ZNF385D: variants seen among roughly 807,000 people sequenced by gnomAD.
ZNF385D encodes the protein zinc finger protein 659.
Under a neutral mutation model 35.8 loss-of-function variants are expected in ZNF385D, and 15 were observed. The ratio of observed to expected loss-of-function variants is 0.42; its 90% CI spans 0.28 to 0.64. ZNF385D has a LOEUF of 0.64. ZNF385D is among the 30% of genes least tolerant of loss of function. ZNF385D has a pLI of 0.23. For missense variants in ZNF385D, 474 were observed against 494.6 expected (o/e 0.96, Z 0.39); for synonymous variants, 212 against 186.8 (o/e 1.13, Z -1.10).
intron 2 of ZNF385D, among the ~76,000 whole-genome samples, chr3:22,289,061 A>G (rs1702164545): frequency 6.6e-6 from 1 of 152,136 alleles, no homozygotes; most frequent in Non-Finnish European, 1.5e-5. Flanking sequence ...TGTTTGTTCT[A>G]GTTTCTTCTA....
At chr3:22,133,149 C>T (rs893865354) in intron 3 of ZNF385D, among the ~76,000 whole-genome samples, 1 of 152,190 alleles carries the variant, frequency 6.6e-6, no homozygotes, top group East Asian at 1.9e-4. Flanking sequence ...TTAAAAAATA[C>T]CCTCAAATAC....
intron 3 of ZNF385D, among the ~76,000 whole-genome samples, chr3:22,033,999 T>C (rs924434481): frequency 7.2e-5 from 11 of 152,138 alleles, no homozygotes; most frequent in Non-Finnish European, 1.5e-4. Context: ...AGTCCCTTTT[T>C]TAAAACGTAA....
Position 21,757,561 on chromosome 3 carries a change from T to G in ZNF385D, c.326-92533A>C, listed in dbSNP as rs183051182. On this transcript the variant is annotated intron_variant, in intron 3 of 5. Transcript: ENST00000494108. ...CTTAACCTTGGAGGTGGTTGTGGAA[T>G]AGCAATGTTTATTGACTCAAAAAAA... is the stretch of plus-strand genomic sequence containing the variant. 2.5e-3 allele frequency among the ~76,000 whole-genome samples: 382 copies of G among 152,282 alleles called. 2 individuals carry two copies. Among genetic ancestry groups the G allele is most frequent in the African/African-American group, 8.7e-3 (361 of 41,552 alleles).
At chr3:21,705,213 C>T (rs2067852618) in intron 1 of ZNF385D, among the ~76,000 whole-genome samples, 1 of 152,134 alleles carries the variant, frequency 6.6e-6, no homozygotes, top group East Asian at 1.9e-4. Flanking sequence ...ATGCAGCTGG[C>T]ATGCTATCAG....
chr3:22,016,114 A>G (rs1380795722), intron 3 of ZNF385D, among the ~76,000 whole-genome samples: 4 of 152,088 alleles, frequency 2.6e-5, no homozygotes, highest in African/African-American at 9.7e-5. Context: ...TAGATTTTCA[A>G]TTTAGTCTAT....
intron 4 of ZNF385D, among the ~76,000 whole-genome samples, chr3:21,468,425 G>C (rs868794578): frequency 1.3e-5 from 1 of 77,198 alleles, no homozygotes; most frequent in South Asian, 4.0e-4. Context: ...AAAAAAAAAA[G>C]TATATGCAGA....
intron 3 of ZNF385D, among the ~76,000 whole-genome samples, chr3:21,538,210 A>G (rs1178822683): frequency 6.6e-6 from 1 of 152,060 alleles, no homozygotes; most frequent in African/African-American, 2.4e-5. Flanking sequence ...TAGGTAAACA[A>G]GTGCAGATAT....
chr3:22,181,003 G>T lies in ZNF385D; in HGVS notation c.107-11968C>A, dbSNP rs532510050. Among the ~76,000 whole-genome samples, 8 of 135,284 alleles carry T rather than the reference G, an allele frequency of 5.9e-5. No individual in the cohort carries two copies. The South Asian group carries it at 1.9e-3, about 32-fold the overall frequency. The allele number at this position is 135,284 out of a possible 152,430, so 88.8% of individuals were successfully genotyped here. On this transcript the variant is annotated intron_variant, in intron 2 of 5. Coordinates refer to the ZNF385D transcript ENST00000494108. ...CTCAGGTTTTCTTTCTTTTCTCATT[G>T]ATTCTGTCTTCTTAAAATATATTTT...
At chr3:22,216,213 TA>T (rs1429234318) in intron 2 of ZNF385D, among the ~76,000 whole-genome samples, 2 of 152,006 alleles carry the variant, frequency 1.3e-5, no homozygotes, top group African/African-American at 4.8e-5. Context: ...TTCCTTATGT[TA>T]ATAAAACATT....
chr3:21,787,151 G>A (rs971827012), intron 3 of ZNF385D, among the ~76,000 whole-genome samples: 1 of 152,168 alleles, frequency 6.6e-6, no homozygotes, highest in Non-Finnish European at 1.5e-5. Context: ...AAGCAAAGTA[G>A]TGGAGGCTTC....
chr3:21,517,324 G>A (rs915273799), intron 3 of ZNF385D, among the ~76,000 whole-genome samples: 3 of 152,030 alleles, frequency 2.0e-5, no homozygotes, highest in Non-Finnish European at 4.4e-5. Flanking sequence ...GAACACACCT[G>A]TGAAGGGTCG....
intron 1 of ZNF385D, among the ~76,000 whole-genome samples, chr3:21,669,693 C>T (rs991858009): frequency 2.0e-5 from 3 of 152,160 alleles, no homozygotes; most frequent in Non-Finnish European, 4.4e-5. Flanking sequence ...AACACAGTGC[C>T]TGGCCAACTG....
At chr3:22,130,049 C>A (rs1334604473) in intron 3 of ZNF385D, among the ~76,000 whole-genome samples, 1 of 152,158 alleles carries the variant, frequency 6.6e-6, no homozygotes. Context: ...TCTGCCAGAA[C>A]TGGGTCCTTC....
chr3:22,318,816 A>G (rs1405077202), intron 2 of ZNF385D, among the ~76,000 whole-genome samples: 1 of 152,200 alleles, frequency 6.6e-6, no homozygotes, highest in East Asian at 1.9e-4. Context: ...GAAAAAAGAC[A>G]ATGATTAGCA....
At chr3:22,031,454 G>A (rs1018306165) in intron 3 of ZNF385D, among the ~76,000 whole-genome samples, 9 of 152,194 alleles carry the variant, frequency 5.9e-5, no homozygotes, top group Non-Finnish European at 1.0e-4. Context: ...CCATGTGGAA[G>A]CCTCCAAGGC....
At chr3:21,670,578 T>G (rs1365409545) in intron 1 of ZNF385D, among the ~76,000 whole-genome samples, 1 of 146,810 alleles carries the variant, frequency 6.8e-6, no homozygotes, top group Admixed American at 7.1e-5. Flanking sequence ...ACTTTAGATC[T>G]GATCCTACTA....
At chr3:21,964,073 G>A (rs259571) in intron 3 of ZNF385D, among the ~76,000 whole-genome samples, 86,972 of 151,844 alleles carry the variant, frequency 0.57, 26,815 homozygotes, top group African/African-American at 0.8. Context: ...AATAAAAGGT[G>A]GTTATCATCA....
At chr3:21,734,335 T>G (rs536452183) in intron 1 of ZNF385D, among the ~76,000 whole-genome samples, 2 of 149,060 alleles carry the variant, frequency 1.3e-5, no homozygotes, top group Admixed American at 1.4e-4. Flanking sequence ...GAGAAAAGAA[T>G]AATTACTTTT....
At chr3:22,276,746 C>T (rs960103761) in intron 2 of ZNF385D, among the ~76,000 whole-genome samples, 9 of 152,104 alleles carry the variant, frequency 5.9e-5, no homozygotes, top group Non-Finnish European at 1.2e-4. Context: ...AAGTACTGGC[C>T]TTTGCTGCTT....
Sources: allele counts gnomAD v4.1 joint callset (sites outside exome capture counted in the v4.1 genomes callset), GRCh38; gene constraint gnomAD v4.1.1; transcripts MANE v1.5; gene names NCBI Gene and HGNC (gene_info 2026-07-23, HGNC 2026-07-21).